The following TSPAN9 variants were observed in gnomAD, a reference collection of about 807,000 sequenced individuals.
The protein encoded by TSPAN9 is tetraspanin 9.
A neutral mutation model predicts 31.0 loss-of-function variants in TSPAN9; 16 were observed. That is an observed-to-expected ratio of 0.52 (90% CI 0.35 to 0.78). The LOEUF (loss-of-function observed/expected upper bound fraction) is 0.78, where lower values mean the gene tolerates loss of function less well. Ranked by LOEUF, TSPAN9 falls within the 30% of genes least tolerant of loss-of-function variation. The pLI is 0.01. For synonymous variants in TSPAN9, 145 were observed against 121.6 expected (o/e 1.19, Z -1.27); for missense variants, 272 against 312.5 (o/e 0.87, Z 0.98).
At chr12:3,141,273 A>G (rs1001523229) in intron 2 of TSPAN9, among the ~76,000 whole-genome samples, 34 of 151,642 alleles carry the variant, frequency 2.2e-4, no homozygotes, top group African/African-American at 8.0e-4. Flanking sequence ...AGCTTCCCCA[A>G]CTCTCTCCAC....
intron 3 of TSPAN9, among the ~76,000 whole-genome samples, chr12:3,235,014 AAAATT>A (rs2153976454): frequency 6.8e-6 from 1 of 148,146 alleles, no homozygotes; most frequent in Admixed American, 6.7e-5. Flanking sequence ...TACAAAAAAA[AAAATT>A]AGCCGGGCGT....
At chr12:3,131,801 T>C (rs2098329930) in intron 2 of TSPAN9, among the ~76,000 whole-genome samples, 1 of 152,208 alleles carries the variant, frequency 6.6e-6, no homozygotes, top group Admixed American at 6.5e-5. Context: ...TATATCATTA[T>C]AACCATTTTA....
chr12:3,134,620 G>A (rs1380780217), intron 2 of TSPAN9, among the ~76,000 whole-genome samples: 1 of 152,186 alleles, frequency 6.6e-6, no homozygotes, highest in Non-Finnish European at 1.5e-5. Context: ...CCCTCTGGAG[G>A]GATGGAGGGA....
chr12:3,266,784 G>A (rs1289648680), intron 3 of TSPAN9, among the ~76,000 whole-genome samples: 2 of 152,192 alleles, frequency 1.3e-5, no homozygotes, highest in African/African-American at 2.4e-5. Flanking sequence ...GTGGGTGGAC[G>A]CGGCTCCCGG....
At chr12:3,268,156 G>GTGCGTTGC (rs879824660) in intron 3 of TSPAN9, among the ~76,000 whole-genome samples, 1 of 141,500 alleles carries the variant, frequency 7.1e-6, no homozygotes. Context: ...CCTGCCCTCC[G>GTGCGTTGC]TGCATTCCTG....
chr12:3,121,328 A>C, intron 2 of TSPAN9, among the ~76,000 whole-genome samples: 1 of 82,352 alleles, frequency 1.2e-5, no homozygotes, highest in Non-Finnish European at 2.4e-5. Context: ...TACTGGAGAG[A>C]TTTTTCAAAA....
At chr12:3,271,536 G>A (rs1206128603) in intron 3 of TSPAN9, among the ~76,000 whole-genome samples, 1 of 115,226 alleles carries the variant, frequency 8.7e-6, no homozygotes, top group Non-Finnish European at 1.8e-5. Context: ...GCTGATTAGA[G>A]GTATGCAGAA....
At chr12:3,146,357 C>T (rs886468114) in intron 2 of TSPAN9, among the ~76,000 whole-genome samples, 5 of 152,026 alleles carry the variant, frequency 3.3e-5, no homozygotes, top group Admixed American at 6.6e-5. Context: ...ATGGTGGTCT[C>T]TGAAAAGAGG....
intron 2 of TSPAN9, among the ~76,000 whole-genome samples, chr12:3,197,660 AGTCACCACCAGCACAG>A (rs1452171191): frequency 3.3e-4 from 50 of 150,742 alleles, no homozygotes; most frequent in Middle Eastern, 3.4e-3. Flanking sequence ...CACCAGCACA[AGTCACCACCAGCACAG>A]GTCACCACCA....
chr12:3,273,000 T>G lies in TSPAN9; in HGVS notation c.64-5421T>G, dbSNP rs1862711063. 3 of 152,272 alleles carry G rather than the reference T, an allele frequency of 2.0e-5. No individual in the cohort carries two copies. In the South Asian group the frequency reaches 6.2e-4, roughly 32 times the overall value. The allele number at this position is 152,272 out of a possible 1,614,324, so 9.4% of individuals were successfully genotyped here. ...TGGCCATAGCCTGACTGGGCCTCAGTTTACCTGCTGCGCGTATTGTGGATG... is the reference window on the plus strand; with the variant it reads ...TGGCCATAGCCTGACTGGGCCTCAGGTTACCTGCTGCGCGTATTGTGGATG... On this transcript the variant is annotated intron_variant, in intron 3 of 8. Transcript: ENST00000011898.
chr12:3,138,632 CAAA>C (rs11295678), intron 2 of TSPAN9, among the ~76,000 whole-genome samples: 1 of 149,840 alleles, frequency 6.7e-6, no homozygotes, highest in Admixed American at 6.6e-5. Context: ...ATCCGCCATA[CAAA>C]AAAAAAAAAA....
At chr12:3,189,798 G>A (rs900036023) in intron 2 of TSPAN9, among the ~76,000 whole-genome samples, 3 of 152,120 alleles carry the variant, frequency 2.0e-5, no homozygotes, top group African/African-American at 7.2e-5. Context: ...GGGGAGGAGG[G>A]AAGAGAGATG....
chr12:3,171,957 T>A (rs2098352098), intron 2 of TSPAN9: 1 of 152,194 alleles, frequency 6.6e-6, no homozygotes, highest in Non-Finnish European at 1.5e-5. Context: ...GGGTCGAAAC[T>A]GCTCCTTGAG....
At chr12:3,215,757 G>T (rs2098381067) in intron 3 of TSPAN9, among the ~76,000 whole-genome samples, 1 of 152,154 alleles carries the variant, frequency 6.6e-6, no homozygotes, top group Non-Finnish European at 1.5e-5. Flanking sequence ...GCCATTTGCT[G>T]CTCTCTCCAG....
Position 3,111,292 on chromosome 12 carries a change from G to A in TSPAN9, c.-18+27573G>A, listed in dbSNP as rs561416039. On this transcript the variant is annotated intron_variant, in intron 2 of 8. Transcript: ENST00000011898. The stretch of plus-strand genomic sequence containing the variant: ...CTCCAGGAGATGCCCGTCCCCTTTC[G>A]CCAGCCTCCTTTGACATTTTTGGTT... Among the ~76,000 whole-genome samples the A allele has an allele frequency of 3.3e-5, 5 of 152,198 alleles. No individual in the cohort carries two copies. In the South Asian group the frequency reaches 6.2e-4, roughly 19 times the overall value.
intron 2 of TSPAN9, among the ~76,000 whole-genome samples, chr12:3,190,832 T>A (rs2098363999): frequency 6.6e-6 from 1 of 152,244 alleles, no homozygotes; most frequent in Admixed American, 6.5e-5. Context: ...GTTCTTCCTG[T>A]TGCTACTCAT....
intron 2 of TSPAN9, among the ~76,000 whole-genome samples, chr12:3,096,433 C>CTTTTTTTTTTTTTTTTTTTTT (rs1302577208): frequency 1.3e-5 from 2 of 152,118 alleles, no homozygotes; most frequent in South Asian, 2.1e-4. Flanking sequence ...TGCATTGTCT[C>CTTTTTTTTTTTTTTTTTTTTT]TTTATTCCTT....
intron 2 of TSPAN9, among the ~76,000 whole-genome samples, chr12:3,188,572 G>A (rs943326790): frequency 6.6e-6 from 1 of 152,176 alleles, no homozygotes; most frequent in Non-Finnish European, 1.5e-5. Flanking sequence ...GCAGTGTGGG[G>A]GAGGGGAAGA....
At chr12:3,263,528 G>A (rs960505992) in intron 3 of TSPAN9, among the ~76,000 whole-genome samples, 14 of 152,232 alleles carry the variant, frequency 9.2e-5, no homozygotes, top group Non-Finnish European at 2.9e-5. Context: ...CAACGCACCG[G>A]CCTGGGGAGG....
Sources: allele counts gnomAD v4.1 joint callset (sites outside exome capture counted in the v4.1 genomes callset), GRCh38; gene constraint gnomAD v4.1.1; transcripts MANE v1.5; gene names NCBI Gene and HGNC (gene_info 2026-07-23, HGNC 2026-07-21).